The following HCN1 variants were observed in gnomAD, a reference collection of about 807,000 sequenced individuals.
HCN1 encodes hyperpolarization activated cyclic nucleotide gated potassium channel 1.
A neutral mutation model predicts 78.9 loss-of-function variants in HCN1; 13 were observed. That is an observed-to-expected ratio of 0.16 (90% CI 0.11 to 0.26). HCN1 has a LOEUF of 0.26. Ranked by LOEUF, HCN1 falls within the 10% of genes least tolerant of loss-of-function variation. The probability of loss-of-function intolerance (pLI) is 1.00; values close to 1 mark genes in which losing one functional copy is unlikely to be tolerated. For missense variants in HCN1, 810 were observed against 1,154.3 expected (o/e 0.70, Z 4.32); for synonymous variants, 552 against 455.5 (o/e 1.21, Z -2.70).
chr5:45,637,590 TG>T (rs1745379028), intron 2 of HCN1, among the ~76,000 whole-genome samples: 1 of 150,566 alleles, frequency 6.6e-6, no homozygotes, highest in Admixed American at 6.7e-5. Context: ...CCATTATAGA[TG>T]GAACTAATTG....
intron 2 of HCN1, among the ~76,000 whole-genome samples, chr5:45,635,042 A>G (rs932592167): frequency 1.3e-5 from 2 of 152,056 alleles, no homozygotes; most frequent in African/African-American, 4.8e-5. Context: ...TTTTACCACA[A>G]TCCAGATTCT....
intron 3 of HCN1, among the ~76,000 whole-genome samples, chr5:45,406,579 C>T (rs1739928689): frequency 6.6e-6 from 1 of 152,154 alleles, no homozygotes; most frequent in Non-Finnish European, 1.5e-5. Flanking sequence ...TATAAACTCT[C>T]TTCATTCCAA....
At chr5:45,461,793 G>C (rs1194628039) in intron 3 of HCN1, 53 bp downstream of exon 3, 1 of 1,448,964 alleles carries the variant, frequency 6.9e-7, no homozygotes, top group South Asian at 1.2e-5. Context: ...TTACTTAAAA[G>C]GTTTTGGCAC....
intron 5 of HCN1, among the ~76,000 whole-genome samples, chr5:45,328,427 T>C (rs1746277887): frequency 1.3e-5 from 2 of 151,726 alleles, no homozygotes; most frequent in South Asian, 2.1e-4. Flanking sequence ...TCACTACTGA[T>C]GTGCTTTGGG....
intron 1 of HCN1, 132 bp downstream of exon 1, chr5:45,695,537 G>T (rs960993967): frequency 3.0e-5 from 26 of 871,058 alleles, no homozygotes; most frequent in Non-Finnish European, 4.3e-5. Context: ...TGCTTAGCCC[G>T]AGCCGACGCC....
At chr5:45,642,984 C>T (rs1323457536) in intron 2 of HCN1, 1 of 152,032 alleles carries the variant, frequency 6.6e-6, no homozygotes, top group Non-Finnish European at 1.5e-5. Context: ...TCATTTATTA[C>T]CAAGGTCATT....
intron 2 of HCN1, among the ~76,000 whole-genome samples, chr5:45,585,553 T>C (rs1294699469): frequency 6.6e-6 from 1 of 152,196 alleles, no homozygotes; most frequent in African/African-American, 2.4e-5. Context: ...TCCAGCTTTG[T>C]TCTGTTGCTG....
At chr5:45,426,952 C>T (rs986431538) in intron 3 of HCN1, among the ~76,000 whole-genome samples, 34 of 152,004 alleles carry the variant, frequency 2.2e-4, no homozygotes, top group African/African-American at 8.2e-4. Flanking sequence ...AACAGTCTTG[C>T]AATGTTTTAT....
At chr5:45,565,925 G>A (rs1346540894) in intron 2 of HCN1, among the ~76,000 whole-genome samples, 1 of 152,138 alleles carries the variant, frequency 6.6e-6, no homozygotes, top group Admixed American at 6.6e-5. Flanking sequence ...ACTTTGAAGA[G>A]TATCCTCATT....
chr5:45,503,545 T>C (rs1742233301), intron 2 of HCN1, among the ~76,000 whole-genome samples: 2 of 152,150 alleles, frequency 1.3e-5, no homozygotes, highest in Admixed American at 1.3e-4. Flanking sequence ...TAACATTGAG[T>C]ATTTGATGAA....
At chr5:45,319,898 T>C (rs1746087937) in intron 5 of HCN1, among the ~76,000 whole-genome samples, 1 of 151,928 alleles carries the variant, frequency 6.6e-6, no homozygotes, top group Admixed American at 6.6e-5. Context: ...ACTGTAACTT[T>C]ATATTGATAA....
chr5:45,498,842 G>A (rs888377033), intron 2 of HCN1, among the ~76,000 whole-genome samples: 3 of 152,118 alleles, frequency 2.0e-5, no homozygotes, highest in East Asian at 1.9e-4. Context: ...GTACCCGGCC[G>A]TGTGAGGTGT....
intron 4 of HCN1, among the ~76,000 whole-genome samples, chr5:45,370,215 A>G (rs1047013235): frequency 2.6e-5 from 4 of 152,042 alleles, no homozygotes; most frequent in Non-Finnish European, 2.9e-5. Flanking sequence ...AACTACAATT[A>G]CCAAATTTGA....
chr5:45,568,090 TTTTG>T (rs1240691408), intron 2 of HCN1, among the ~76,000 whole-genome samples: 1 of 152,104 alleles, frequency 6.6e-6, no homozygotes, highest in African/African-American at 2.4e-5. Context: ...AGGATTTTTG[TTTTG>T]TTTTTGTATT....
intron 3 of HCN1, among the ~76,000 whole-genome samples, chr5:45,400,394 CTTTTTTT>C (rs541820226): frequency 1.2e-4 from 14 of 113,018 alleles, no homozygotes; most frequent in Non-Finnish European, 1.6e-4. Flanking sequence ...ATTAAAAATG[CTTTTTTT>C]TTTTTTTTTT....
chr5:45,522,890 G>A (rs577216891), intron 2 of HCN1, among the ~76,000 whole-genome samples: 78 of 151,274 alleles, frequency 5.2e-4, no homozygotes, highest in Non-Finnish European at 9.0e-4. Flanking sequence ...TAAGTTTTAG[G>A]GTACATGTGC....
At chr5:45,277,221 CT>C (rs1227607465) in intron 6 of HCN1, among the ~76,000 whole-genome samples, 3 of 152,054 alleles carry the variant, frequency 2.0e-5, no homozygotes, top group Non-Finnish European at 4.4e-5. Flanking sequence ...TAAATTTGTT[CT>C]CTCAAATCTT....
At chr5:45,545,301 TTTTTC>T in intron 2 of HCN1, among the ~76,000 whole-genome samples, 1 of 152,308 alleles carries the variant, frequency 6.6e-6, no homozygotes, top group Non-Finnish European at 1.5e-5. Flanking sequence ...TTGTTTGATT[TTTTTC>T]TTATAAATTT....
At chr5:45,276,510 T>C (rs896637067) in intron 6 of HCN1, among the ~76,000 whole-genome samples, 5 of 151,900 alleles carry the variant, frequency 3.3e-5, no homozygotes, top group African/African-American at 1.2e-4. Context: ...TTAAAAAGAG[T>C]TCCTCATTTA....
Sources: allele counts gnomAD v4.1 joint callset (sites outside exome capture counted in the v4.1 genomes callset), GRCh38; gene constraint gnomAD v4.1.1; transcripts MANE v1.5; gene names NCBI Gene and HGNC (gene_info 2026-07-23, HGNC 2026-07-21).